The following JAK1 variants were observed in gnomAD, a reference collection of about 807,000 sequenced individuals.
The protein encoded by JAK1 is Janus kinase 1, also known as tyrosine-protein kinase JAK1.
In JAK1, 16 loss-of-function variants were observed where a neutral mutation model predicts 136.6. The observed-to-expected ratio is 0.12, with a 90% CI of 0.08 to 0.18. The LOEUF (loss-of-function observed/expected upper bound fraction) is 0.18. Ranked by LOEUF, JAK1 falls within the 10% of genes least tolerant of loss-of-function variation. The probability of loss-of-function intolerance (pLI) is 1.00; values close to 1 mark genes in which losing one functional copy is unlikely to be tolerated. For missense variants in JAK1, 859 were observed against 1,450.1 expected (o/e 0.59, Z 6.62); for synonymous variants, 492 against 519.5 (o/e 0.95, Z 0.72).
At position 64,834,516 on chromosome 1, in the gene JAK1, G is replaced by A; in HGVS notation, c.*46C>T. ...AAAATGACTTGGGCATTTGTTGCAGGAGAAGGACTTGATAATCTGTGGAAT... is the reference window on the plus strand; with the variant it reads ...AAAATGACTTGGGCATTTGTTGCAGAAGAAGGACTTGATAATCTGTGGAAT... On this transcript the variant is annotated 3_prime_UTR_variant, in exon 25 of 25. Transcript: ENST00000342505. 1.6e-6 allele frequency: 2 copies of A among 1,272,190 alleles called. No homozygotes were observed. The highest frequency in any genetic ancestry group is 2.3e-6 in the Non-Finnish European group (2 of 877,622). The allele number at this position is 1,272,190 out of a possible 1,614,324, so 78.8% of individuals were successfully genotyped here.
At chr1:65,031,235 A>G (rs141487376) in intron 2 of JAK1, among the ~76,000 whole-genome samples, 1 of 152,208 alleles carries the variant, frequency 6.6e-6, no homozygotes, top group African/African-American at 2.4e-5. Context: ...ACCAGAGATC[A>G]AAGTACGTGA....
intron 2 of JAK1, chr1:65,004,138 A>C (rs1422370537): frequency 1.3e-5 from 2 of 152,022 alleles, no homozygotes; most frequent in Non-Finnish European, 2.9e-5. Context: ...ACGGGGTTTC[A>C]CCATGTTGGC....
chr1:64,959,020 A>G (rs1369662740), intron 1 of JAK1, among the ~76,000 whole-genome samples: 2 of 152,146 alleles, frequency 1.3e-5, no homozygotes, highest in African/African-American at 4.8e-5. Flanking sequence ...GGACTTTCCT[A>G]CCCACTCCCC....
chr1:64,892,977 T>C (rs111886551), intron 1 of JAK1, among the ~76,000 whole-genome samples: 4 of 151,906 alleles, frequency 2.6e-5, no homozygotes, highest in African/African-American at 9.7e-5. Flanking sequence ...GAAGAGGCTG[T>C]GAGGGCATGC....
At chr1:64,946,904 T>C (rs1645998181) in intron 1 of JAK1, among the ~76,000 whole-genome samples, 1 of 152,176 alleles carries the variant, frequency 6.6e-6, no homozygotes, top group Admixed American at 6.5e-5. Context: ...AATTCCATCA[T>C]ATGCAAAAAC....
intron 1 of JAK1, among the ~76,000 whole-genome samples, chr1:64,888,245 G>A (rs1318487139): frequency 1.3e-5 from 2 of 152,254 alleles, no homozygotes; most frequent in African/African-American, 4.8e-5. Flanking sequence ...GCAGTGGCAT[G>A]ATCTCAGCTC....
chr1:65,009,557 G>A (rs920595153), intron 2 of JAK1, among the ~76,000 whole-genome samples: 1 of 152,120 alleles, frequency 6.6e-6, no homozygotes, highest in Non-Finnish European at 1.5e-5. Flanking sequence ...CAATAAGACA[G>A]GGAAAAGGAC....
chr1:65,066,263 G>A (rs891501670), intron 1 of JAK1, among the ~76,000 whole-genome samples: 2 of 152,094 alleles, frequency 1.3e-5, no homozygotes, highest in Non-Finnish European at 2.9e-5. Context: ...GCCAGGAGCC[G>A]GCGTCTCCGC....
intron 19 of JAK1, among the ~76,000 whole-genome samples, chr1:64,840,940 C>G (rs1371144316): frequency 6.6e-6 from 1 of 152,204 alleles, no homozygotes; most frequent in Non-Finnish European, 1.5e-5. Flanking sequence ...CCATCTCTCC[C>G]TCTTTCCATT....
At position 65,061,903 on chromosome 1, in the gene JAK1, G is replaced by A. The variant is rs575406060; in HGVS notation, c.-181+5701C>T. ...AGGCAAGAAAATGTCAAGGACCACC[G>A]CCCTATACAAAGTTAGCCCCAATTC... On this transcript the variant is annotated intron_variant, in intron 1 of 25. Coordinates refer to the JAK1 transcript ENST00000671954. Among the ~76,000 whole-genome samples, 5 of 152,212 alleles carry A rather than the reference G, an allele frequency of 3.3e-5. No individual in the cohort carries two copies. The East Asian group carries it at 9.6e-4, about 29-fold the overall frequency.
intron 1 of JAK1, among the ~76,000 whole-genome samples, chr1:64,956,972 A>C (rs570893515): frequency 3.3e-5 from 5 of 152,220 alleles, no homozygotes; most frequent in Non-Finnish European, 5.9e-5. Context: ...GTTGAGGGAC[A>C]TCTGCCAGGA....
At chr1:64,900,320 CAG>C (rs1353714988) in intron 1 of JAK1, among the ~76,000 whole-genome samples, 1 of 152,178 alleles carries the variant, frequency 6.6e-6, no homozygotes, top group Non-Finnish European at 1.5e-5. Flanking sequence ...ATTCATAAGT[CAG>C]AGATCTAAGA....
chr1:64,947,551 G>T (rs1293416553), intron 1 of JAK1, among the ~76,000 whole-genome samples: 2 of 152,008 alleles, frequency 1.3e-5, no homozygotes, highest in Non-Finnish European at 2.9e-5. Flanking sequence ...GAAGGGGAAT[G>T]CCTTTATATC....
chr1:64,835,372 T>TA (rs1654413765), intron 24 of JAK1, 24 bp downstream of exon 24: 1 of 1,247,662 alleles, frequency 8.0e-7, no homozygotes, highest in African/African-American at 1.5e-5. Context: ...GGAGTGTTAT[T>TA]ACTGTGACGT....
chr1:64,956,280 G>A (rs889061028), intron 1 of JAK1, among the ~76,000 whole-genome samples: 1 of 152,234 alleles, frequency 6.6e-6, no homozygotes, highest in South Asian at 2.1e-4. Flanking sequence ...TTATTATGAT[G>A]ATGGGTCAGA....
At chr1:64,933,812 A>C (rs1302746048) in intron 1 of JAK1, among the ~76,000 whole-genome samples, 1 of 152,226 alleles carries the variant, frequency 6.6e-6, no homozygotes, top group African/African-American at 2.4e-5. Context: ...CTCTAAAGAA[A>C]GTTTTTGCTT....
intron 5 of JAK1, among the ~76,000 whole-genome samples, chr1:64,870,353 C>T (rs563072323): frequency 6.6e-6 from 1 of 152,302 alleles, no homozygotes; most frequent in East Asian, 1.9e-4. Context: ...AGATGTTATT[C>T]TAGGTGCTAG....
intron 4 of JAK1, among the ~76,000 whole-genome samples, chr1:64,873,875 G>C (rs1657228854): frequency 6.6e-6 from 1 of 152,172 alleles, no homozygotes; most frequent in Non-Finnish European, 1.5e-5. Flanking sequence ...ACACTGCTAA[G>C]CCCATTCTAC....
At chr1:65,019,609 C>A (rs964489978) in intron 2 of JAK1, among the ~76,000 whole-genome samples, 2 of 151,940 alleles carry the variant, frequency 1.3e-5, no homozygotes, top group Non-Finnish European at 2.9e-5. Context: ...TGCAAAATAG[C>A]GAAGTTGCTA....
Sources: gnomAD v4.1 joint callset for allele counts (sites outside exome capture counted in the v4.1 genomes callset) on GRCh38, gnomAD v4.1.1 for gene constraint, MANE v1.5 for transcripts, NCBI Gene and HGNC (gene_info 2026-07-23, HGNC 2026-07-21) for gene names.